P2RY14: variants seen among roughly 807,000 people sequenced by gnomAD.
The protein encoded by P2RY14 is purinergic receptor P2Y14.
Under a neutral mutation model 0.9 loss-of-function variants are expected in P2RY14, and 2 were observed. That is an observed-to-expected ratio of 2.16 (90% CI 0.88 to 6.79). The LOEUF is 6.79. Among genes scored for constraint, P2RY14 ranks in the 30% most tolerant of loss-of-function variants. The pLI is 0.05. For synonymous variants in P2RY14, 158 were observed against 147.2 expected (o/e 1.07, Z -0.53); for missense variants, 378 against 400.1 (o/e 0.94, Z 0.47).
At chr3:151,258,222 G>A (rs1046886037) in intron 1 of P2RY14, among the ~76,000 whole-genome samples, 3 of 152,144 alleles carry the variant, frequency 2.0e-5, no homozygotes. Context: ...GAAGCTAGAT[G>A]GGAACTAGCT....
chr3:151,278,143 C>T (rs764223870), intron 1 of P2RY14, 144 bp downstream of exon 1: 1 of 152,154 alleles, frequency 6.6e-6, no homozygotes, highest in Non-Finnish European at 1.5e-5. Context: ...AGTTGTCAAA[C>T]AAAAAGTAAC....
intron 1 of P2RY14, among the ~76,000 whole-genome samples, chr3:151,244,554 G>A (rs1734941701): frequency 6.6e-6 from 1 of 150,988 alleles, no homozygotes; most frequent in African/African-American, 2.4e-5. Flanking sequence ...AAATAAAGAT[G>A]TTCTTTGAAA....
At chr3:151,273,530 T>C (rs1741359069) in intron 1 of P2RY14, among the ~76,000 whole-genome samples, 1 of 151,692 alleles carries the variant, frequency 6.6e-6, no homozygotes, top group South Asian at 2.1e-4. Flanking sequence ...CGTGAGCCAC[T>C]GCGCCCGGCC....
chr3:151,230,431 A>G (rs2149321058), intron 1 of P2RY14, among the ~76,000 whole-genome samples: 1 of 152,296 alleles, frequency 6.6e-6, no homozygotes, highest in East Asian at 1.9e-4. Flanking sequence ...CCATTTCATT[A>G]TTGCCTCAGG....
intron 1 of P2RY14, among the ~76,000 whole-genome samples, chr3:151,248,268 A>G (rs761344809): frequency 3.9e-5 from 6 of 152,018 alleles, no homozygotes; most frequent in Non-Finnish European, 7.4e-5. Context: ...TTTAATTCCT[A>G]TTTCTTTCCT....
chr3:151,263,789 C>T (rs982600411), intron 1 of P2RY14, among the ~76,000 whole-genome samples: 11 of 152,182 alleles, frequency 7.2e-5, no homozygotes, highest in African/African-American at 2.7e-4. Flanking sequence ...AGCTCTGTGA[C>T]TCTTGGTAAA....
At chr3:151,228,556 T>G (rs1431478619) in intron 1 of P2RY14, among the ~76,000 whole-genome samples, 4 of 152,174 alleles carry the variant, frequency 2.6e-5, no homozygotes, top group Admixed American at 2.6e-4. Flanking sequence ...CTGAGCTTCC[T>G]CCAGTATGTG....
At chr3:151,272,367 A>G (rs1053930542) in intron 1 of P2RY14, among the ~76,000 whole-genome samples, 7 of 152,238 alleles carry the variant, frequency 4.6e-5, no homozygotes, top group South Asian at 2.1e-4. Flanking sequence ...TCTACTCAGT[A>G]TATCATTCCC....
chr3:151,238,704 A>G (rs1733429948), intron 1 of P2RY14, among the ~76,000 whole-genome samples: 1 of 152,226 alleles, frequency 6.6e-6, no homozygotes, highest in Non-Finnish European at 1.5e-5. Context: ...AAGAAAAGAA[A>G]AATCAGTTTT....
chr3:151,234,685 A>T (rs755366011), intron 1 of P2RY14, among the ~76,000 whole-genome samples: 1 of 152,250 alleles, frequency 6.6e-6, no homozygotes, highest in Non-Finnish European at 1.5e-5. Flanking sequence ...GGACCCAACC[A>T]TTCGAAGCCT....
At chr3:151,275,614 A>G (rs776289432) in intron 1 of P2RY14, among the ~76,000 whole-genome samples, 10 of 152,176 alleles carry the variant, frequency 6.6e-5, no homozygotes, top group Non-Finnish European at 1.0e-4. Flanking sequence ...GAATTAATGT[A>G]ACCAAATGAT....
chr3:151,240,719 T>C (rs142145302), intron 1 of P2RY14, among the ~76,000 whole-genome samples: 32 of 152,380 alleles, frequency 2.1e-4, no homozygotes, highest in African/African-American at 7.5e-4. Flanking sequence ...GTTATGTAAA[T>C]ATCCAGTCAA....
intron 1 of P2RY14, among the ~76,000 whole-genome samples, chr3:151,265,834 C>T (rs573969964): frequency 1.3e-5 from 2 of 152,256 alleles, no homozygotes; most frequent in Non-Finnish European, 2.9e-5. Context: ...AAAGTCAGAA[C>T]ACCTATGAAA....
intron 1 of P2RY14, among the ~76,000 whole-genome samples, chr3:151,229,616 C>G (rs1444725357): frequency 6.6e-6 from 1 of 151,628 alleles, no homozygotes; most frequent in African/African-American, 2.4e-5. Flanking sequence ...GTAGCTGGGA[C>G]TACAGGCGCC....
At chr3:151,237,229 G>A (rs1405721044) in intron 1 of P2RY14, among the ~76,000 whole-genome samples, 5 of 151,116 alleles carry the variant, frequency 3.3e-5, no homozygotes, top group African/African-American at 9.7e-5. Flanking sequence ...TAGTAGAGAC[G>A]GGGTTTCACT....
chr3:151,234,366 T>A (rs1018914219), intron 1 of P2RY14, among the ~76,000 whole-genome samples: 10 of 152,228 alleles, frequency 6.6e-5, no homozygotes, highest in Non-Finnish European at 1.3e-4. Flanking sequence ...AAATTGTCTG[T>A]CTAGGTATTG....
At chr3:151,266,663 A>T (rs1336667088) in intron 1 of P2RY14, among the ~76,000 whole-genome samples, 2 of 152,214 alleles carry the variant, frequency 1.3e-5, no homozygotes, top group Non-Finnish European at 2.9e-5. Context: ...AGCAAGTGAT[A>T]TGAACATATC....
At chr3:151,275,526 A>C (rs371232509) in intron 1 of P2RY14, among the ~76,000 whole-genome samples, 1 of 152,234 alleles carries the variant, frequency 6.6e-6, no homozygotes, top group Non-Finnish European at 1.5e-5. Flanking sequence ...ATCTAAAAGC[A>C]TATGACCAGT....
chr3:151,216,998 T>A (rs1728364239), intron 2 of P2RY14, among the ~76,000 whole-genome samples: 1 of 152,132 alleles, frequency 6.6e-6, no homozygotes, highest in African/African-American at 2.4e-5. Context: ...CGCCTGGCCA[T>A]TGTGGTGTCA....
Sources: gnomAD v4.1 joint callset for allele counts (sites outside exome capture counted in the v4.1 genomes callset) on GRCh38, gnomAD v4.1.1 for gene constraint, MANE v1.5 for transcripts, NCBI Gene and HGNC (gene_info 2026-07-23, HGNC 2026-07-21) for gene names.